Variants in GLIS3 observed in about 807,000 individuals in gnomAD.
The protein encoded by GLIS3 is zinc finger protein GLIS3.
Under a neutral mutation model 78.6 loss-of-function variants are expected in GLIS3, and 53 were observed. That is an observed-to-expected ratio of 0.67 (90% CI 0.54 to 0.85). The LOEUF is 0.85. GLIS3 is among the 40% of genes least tolerant of loss of function. The probability of loss-of-function intolerance (pLI) is 0.00; values close to 1 mark genes in which losing one functional copy is unlikely to be tolerated. For synonymous variants in GLIS3, 684 were observed against 509.9 expected, an observed-to-expected ratio of 1.34 and a Z score of -4.60; for missense variants, 1,703 against 1,231.1, an observed-to-expected ratio of 1.38 and a Z score of -5.74.
chr9:4,204,777 G>C (rs1282480483), intron 2 of GLIS3, among the ~76,000 whole-genome samples: 1 of 152,118 alleles, frequency 6.6e-6, no homozygotes, highest in African/African-American at 2.4e-5. Context: ...AGCCGGGCGT[G>C]GTGGCAGGCA....
At position 4,085,749 on chromosome 9, in the gene GLIS3, C is replaced by A. The variant is rs569435821; in HGVS notation, c.1710+32019G>T. Reference sequence around the variant, plus strand: ...AATAGTCAGTGAATTCTCATGAGATCTGGTTGTTAAAAATGGTGGCACCCC... The same window carrying A: ...AATAGTCAGTGAATTCTCATGAGATATGGTTGTTAAAAATGGTGGCACCCC... On this transcript the variant is annotated intron_variant, in intron 4 of 10. Coordinates refer to ENST00000381971, the MANE Select transcript of GLIS3 (RefSeq NM_001042413.2). 2.0e-4 allele frequency among the ~76,000 whole-genome samples: 30 copies of A among 152,198 alleles called. 1 individual carries two copies. The highest frequency in any genetic ancestry group is 7.2e-4 in the African/African-American group (30 of 41,540).
At chr9:4,196,427 C>A (rs1328506509) in intron 2 of GLIS3, among the ~76,000 whole-genome samples, 1 of 152,232 alleles carries the variant, frequency 6.6e-6, no homozygotes, top group Non-Finnish European at 1.5e-5. Context: ...AAGCTTTGTT[C>A]TTTCGCTCTT....
intron 2 of GLIS3, among the ~76,000 whole-genome samples, chr9:4,173,443 A>C (rs1362265038): frequency 6.6e-6 from 1 of 152,024 alleles, no homozygotes; most frequent in Non-Finnish European, 1.5e-5. Context: ...AAATAGCTTC[A>C]AATTCTTGGA....
intron 2 of GLIS3, among the ~76,000 whole-genome samples, chr9:4,251,496 T>G (rs1824383534): frequency 6.6e-6 from 1 of 151,866 alleles, no homozygotes; most frequent in African/African-American, 2.4e-5. Flanking sequence ...TTTGAGCCTA[T>G]GTGTGTCTTT....
At chr9:4,401,670 CGATTCTCATGCCTCAGCCTCAAGT>C in the GLIS3 span, among the ~76,000 whole-genome samples, 10 of 151,828 alleles carry the variant, frequency 6.6e-5, no homozygotes, top group South Asian at 8.3e-4. Flanking sequence ...TGGGTTCAAG[CGATTCTCATGCCTCAGCCTCAAGT>C]GATTCTCATG....
the GLIS3 span, among the ~76,000 whole-genome samples, chr9:4,370,206 AC>A: frequency 6.7e-6 from 1 of 148,532 alleles, no homozygotes; most frequent in African/African-American, 2.5e-5. Flanking sequence ...AAAAAAAACA[AC>A]CAAAAAACAA....
rs550387153 is a variant in GLIS3, at chr9:3,977,530, T to G, written c.1711-40341A>C. Among the ~76,000 whole-genome samples the G allele has an allele frequency of 6.6e-6, 1 of 152,292 alleles. No individual in the cohort carries two copies. The highest frequency in any genetic ancestry group is 1.9e-4 in the East Asian group (1 of 5,190). ...ACAGCTTAGCAATTTTGAGAGCCCATCAAAACAGCAGATATATACCCTGCT... is the reference window on the plus strand; with the variant it reads ...ACAGCTTAGCAATTTTGAGAGCCCAGCAAAACAGCAGATATATACCCTGCT... On this transcript the variant is annotated intron_variant, in intron 4 of 10. Transcript: ENST00000381971. This position sits in a 1 kb window ranked among gnomAD's most constrained non-coding sequence, Gnocchi z 4.1.
intron 2 of GLIS3, among the ~76,000 whole-genome samples, chr9:4,188,814 T>C (rs1456999728): frequency 6.6e-6 from 1 of 152,230 alleles, no homozygotes; most frequent in Non-Finnish European, 1.5e-5. Context: ...CTGATGGTAG[T>C]CTGTATTTCT....
intron 4 of GLIS3, among the ~76,000 whole-genome samples, chr9:3,990,752 T>C (rs997873188): frequency 2.0e-5 from 3 of 152,158 alleles, no homozygotes; most frequent in African/African-American, 7.2e-5. Context: ...TTGGAATTAG[T>C]TTTCAAATAG....
chr9:4,330,589 G>T (rs1267203933), intron 2 of GLIS3, among the ~76,000 whole-genome samples: 2 of 149,982 alleles, frequency 1.3e-5, no homozygotes, highest in African/African-American at 2.5e-5. Flanking sequence ...GGAGGTGAAG[G>T]TTGGATGGAG....
the GLIS3 span, among the ~76,000 whole-genome samples, chr9:4,357,693 G>T: frequency 0.18 from 26,864 of 151,920 alleles, 2,461 homozygotes; most frequent in Middle Eastern, 0.29. Flanking sequence ...TGGGGATTAG[G>T]TATCAAAATT....
intron 6 of GLIS3, among the ~76,000 whole-genome samples, chr9:3,906,124 C>G (rs1187523411): frequency 6.6e-6 from 1 of 152,158 alleles, no homozygotes; most frequent in Non-Finnish European, 1.5e-5. Flanking sequence ...CAGGGCTGGA[C>G]AAATTGCCAG....
At chr9:4,231,064 T>C (rs971741428) in intron 2 of GLIS3, among the ~76,000 whole-genome samples, 4 of 151,486 alleles carry the variant, frequency 2.6e-5, no homozygotes, top group Non-Finnish European at 4.4e-5. Flanking sequence ...AGAATGAGAC[T>C]GTCTGTAAAA....
chr9:4,147,965 A>G (rs1174180505), intron 2 of GLIS3, among the ~76,000 whole-genome samples: 2 of 152,220 alleles, frequency 1.3e-5, no homozygotes, highest in African/African-American at 4.8e-5. Flanking sequence ...ACACATCTCT[A>G]TAATAGCTAC....
chr9:4,006,318 A>C (rs1821545701), intron 4 of GLIS3, among the ~76,000 whole-genome samples: 1 of 151,622 alleles, frequency 6.6e-6, no homozygotes, highest in African/African-American at 2.4e-5. Flanking sequence ...AAAAAAAAAA[A>C]AAAAAAAAAA....
the GLIS3 span, among the ~76,000 whole-genome samples, chr9:4,357,778 C>T: frequency 6.6e-6 from 1 of 152,090 alleles, no homozygotes; most frequent in Non-Finnish European, 1.5e-5. Context: ...TGGACATGGT[C>T]AAAGAACTGA....
chr9:4,145,387 T>C (rs1236214798), intron 2 of GLIS3, among the ~76,000 whole-genome samples: 1 of 152,212 alleles, frequency 6.6e-6, no homozygotes, highest in Non-Finnish European at 1.5e-5. Flanking sequence ...GTGTGTTATT[T>C]TCTATAAGCA....
At chr9:4,423,033 G>A in the GLIS3 span, among the ~76,000 whole-genome samples, 1 of 152,112 alleles carries the variant, frequency 6.6e-6, no homozygotes, top group Non-Finnish European at 1.5e-5. Flanking sequence ...GACAGAAGGG[G>A]TCAGAAGCAG....
chr9:3,982,488 A>G (rs1175403832), intron 4 of GLIS3, among the ~76,000 whole-genome samples: 1 of 152,244 alleles, frequency 6.6e-6, no homozygotes, highest in Admixed American at 6.5e-5. Flanking sequence ...GAATGGCTGC[A>G]TTCCTCTTTT....
Sources: gnomAD v4.1 joint callset for allele counts (sites outside exome capture counted in the v4.1 genomes callset) on GRCh38, gnomAD v4.1.1 for gene constraint, Gnocchi (gnomAD v3.1) non-coding constraint, MANE v1.5 for transcripts, NCBI Gene and HGNC (gene_info 2026-07-23, HGNC 2026-07-21) for gene names.